RBM19: variants seen among roughly 807,000 people sequenced by gnomAD.
RBM19 encodes RNA binding motif protein 19, also known as probable RNA-binding protein 19.
In RBM19, 94 loss-of-function variants were observed where a neutral mutation model predicts 116.8. The observed-to-expected ratio is 0.80, with a 90% CI of 0.68 to 0.95. The LOEUF is 0.95. RBM19 is among the 40% of genes least tolerant of loss of function. The pLI is 0.00. For synonymous variants in RBM19, 475 were observed against 494.1 expected (o/e 0.96, Z 0.51); for missense variants, 1,161 against 1,220.7 (o/e 0.95, Z 0.73).
chr12:113,852,642 T>G (rs1877546665), intron 22 of RBM19, among the ~76,000 whole-genome samples: 1 of 152,126 alleles, frequency 6.6e-6, no homozygotes, highest in Non-Finnish European at 1.5e-5. Flanking sequence ...CACCCTCACT[T>G]CTTTGGTGTC....
At chr12:113,929,300 C>A (rs535656356) in intron 16 of RBM19, among the ~76,000 whole-genome samples, 1 of 152,298 alleles carries the variant, frequency 6.6e-6, no homozygotes, top group South Asian at 2.1e-4. Context: ...CATAAAACAA[C>A]CCTTTTAAGC....
At chr12:113,831,811 C>A (rs1341807232) in intron 23 of RBM19, among the ~76,000 whole-genome samples, 1 of 152,226 alleles carries the variant, frequency 6.6e-6, no homozygotes, top group Non-Finnish European at 1.5e-5. Context: ...AAACACCGCC[C>A]AGCGAGGCTC....
chr12:113,936,032 A>AAAAAC (rs796220587), intron 16 of RBM19, among the ~76,000 whole-genome samples: 15 of 109,014 alleles, frequency 1.4e-4, no homozygotes, highest in African/African-American at 5.9e-4. Flanking sequence ...TCTGTCTCAA[A>AAAAAC]AAAACAAAAC....
At position 113,946,439 on chromosome 12, in the gene RBM19, T is replaced by G. The variant is rs1282800156; in HGVS notation, c.1444A>C (p.Lys482Gln). 3 of 1,613,912 alleles carry G rather than the reference T, an allele frequency of 1.9e-6. No individual in the cohort carries two copies. The Admixed American group carries it at 5.0e-5, about 27-fold the overall frequency. The change falls in exon 12 of 24, where the codon AAG (lysine) becomes CAG (glutamine). Residue 482 changes from lysine (K) to glutamine (Q), a missense_variant. By Grantham distance (53) the Lys-to-Gln change is moderately conservative (BLOSUM62 1). Coordinates refer to ENST00000261741, the MANE Select transcript of RBM19 (RefSeq NM_016196.4). ...GCACTGGCATCCTCGCTGGCTTCCT[T>G]CTTGATGGTAGATGGTAACACGTGG... ...MLHVLPSTIKKEASEDASALG... is the reference protein window; with the variant it reads ...MLHVLPSTIKQEASEDASALG...
At chr12:113,905,201 C>G (rs984221103) in intron 21 of RBM19, among the ~76,000 whole-genome samples, 1 of 152,218 alleles carries the variant, frequency 6.6e-6, no homozygotes, top group African/African-American at 2.4e-5. Context: ...CACTGGATAT[C>G]AAGTCTATTA....
chr12:113,871,438 G>C (rs764931009), intron 21 of RBM19, among the ~76,000 whole-genome samples: 9 of 152,084 alleles, frequency 5.9e-5, no homozygotes, highest in Admixed American at 1.3e-4. Flanking sequence ...AATTAGACCA[G>C]GGATGCACAC....
intron 21 of RBM19, among the ~76,000 whole-genome samples, chr12:113,862,311 C>T (rs1235493740): frequency 1.3e-5 from 2 of 152,146 alleles, no homozygotes; most frequent in East Asian, 1.9e-4. Context: ...AAAATCGAGG[C>T]GAGATCTTTC....
chr12:113,881,330 T>C (rs913260869), intron 21 of RBM19, among the ~76,000 whole-genome samples: 6 of 152,082 alleles, frequency 3.9e-5, no homozygotes, highest in Non-Finnish European at 7.4e-5. Flanking sequence ...GGAGGACAAG[T>C]GTGGTGTGGC....
At chr12:113,848,511 G>A (rs1013849848) in intron 22 of RBM19, among the ~76,000 whole-genome samples, 2 of 152,268 alleles carry the variant, frequency 1.3e-5, no homozygotes, top group East Asian at 3.9e-4. Flanking sequence ...AGAGCATAAC[G>A]AGAGCTTGTT....
intron 16 of RBM19, among the ~76,000 whole-genome samples, chr12:113,933,437 C>G (rs1360145813): frequency 6.6e-6 from 1 of 152,152 alleles, no homozygotes; most frequent in African/African-American, 2.4e-5. Flanking sequence ...GGAGGAGGCC[C>G]TGGAGATCAG....
intron 21 of RBM19, among the ~76,000 whole-genome samples, chr12:113,883,819 G>A (rs574034057): frequency 1.1e-4 from 17 of 152,330 alleles, no homozygotes; most frequent in Non-Finnish European, 2.2e-4. Flanking sequence ...GTTTCTCACT[G>A]CCTGAGAAGA....
intron 18 of RBM19, among the ~76,000 whole-genome samples, chr12:113,923,289 A>T (rs1012583830): frequency 1.3e-5 from 2 of 152,198 alleles, no homozygotes; most frequent in African/African-American, 4.8e-5. Flanking sequence ...GAGGCCATCT[A>T]TAAGCCCAGA....
At chr12:113,936,778 T>C (rs1005483568) in intron 16 of RBM19, 6 of 474,210 alleles carry the variant, frequency 1.3e-5, no homozygotes, top group East Asian at 3.9e-5. Context: ...GTAATTTTTT[T>C]CCCCTAAAAG....
chr12:113,959,865 C>T lies in RBM19; in HGVS notation c.378G>A (p.Lys126=). ...KKKKVAGQLE[K]LKEDTEFQEF... ...TCCTTGGGCAACAGGACAGACTCACCTTCTCCAGTTGACCTGCCACCTTTT... is the reference window on the plus strand; with the variant it reads ...TCCTTGGGCAACAGGACAGACTCACTTTCTCCAGTTGACCTGCCACCTTTT... Residue 126 remains lysine, a splice_region_variant and synonymous_variant, in exon 4 of 24, where the codon AAG becomes AAA. Transcript: ENST00000261741. The T allele has an allele frequency of 6.2e-7, 1 of 1,614,190 alleles. No homozygotes were observed. Among genetic ancestry groups the T allele is most frequent in the Non-Finnish European group, 8.5e-7 (1 of 1,180,032 alleles).
At chr12:113,912,299 G>A (rs1256502445) in intron 21 of RBM19, among the ~76,000 whole-genome samples, 3 of 152,178 alleles carry the variant, frequency 2.0e-5, no homozygotes, top group Non-Finnish European at 2.9e-5. Context: ...TTCCTCTCTG[G>A]TCCCCCACAG....
In RBM19 at chr12:113,825,378, C is replaced by T. The variant is rs983326587; in HGVS notation, c.2786-2057G>A. ...GGCTGGCGGCCCGGGGCTCGGACTC[C>T]GGCTTCCTCTCCTTCCTTGTGACCT... On this transcript the variant is annotated intron_variant, in intron 23 of 23. Coordinates refer to ENST00000261741, the MANE Select transcript of RBM19 (RefSeq NM_016196.4). This position sits in a 1 kb window ranked among gnomAD's most constrained non-coding sequence, Gnocchi z 5.7. Among the ~76,000 whole-genome samples the T allele has an allele frequency of 2.4e-4, 36 of 152,316 alleles. No homozygotes were observed. Among genetic ancestry groups the T allele is most frequent in the African/African-American group, 7.9e-4 (33 of 41,574 alleles).
intron 21 of RBM19, among the ~76,000 whole-genome samples, chr12:113,870,749 G>A (rs1045494713): frequency 7.9e-5 from 12 of 152,216 alleles, no homozygotes; most frequent in Middle Eastern, 3.4e-3. Context: ...TATCGTCTCC[G>A]CACTAACAGC....
At chr12:113,928,417 TACACACACACACACACACACAC>T (rs3066401) in intron 16 of RBM19, among the ~76,000 whole-genome samples, 1 of 136,232 alleles carries the variant, frequency 7.3e-6, no homozygotes, top group South Asian at 2.7e-4. Flanking sequence ...TACATGTGCA[TACACACACACACACACACACAC>T]ACACACACAC....
chr12:113,936,762 T>A (rs895604300), intron 16 of RBM19: 2 of 427,312 alleles, frequency 4.7e-6, no homozygotes, highest in Non-Finnish European at 8.3e-6. Context: ...TCCTTGTTAA[T>A]AGATAGTAAT....
Sources: allele counts gnomAD v4.1 joint callset (sites outside exome capture counted in the v4.1 genomes callset), GRCh38; gene constraint gnomAD v4.1.1; non-coding constraint Gnocchi (gnomAD v3.1); transcripts MANE v1.5; gene names NCBI Gene and HGNC (gene_info 2026-07-23, HGNC 2026-07-21).